ACKR2: variants seen among roughly 807,000 people sequenced by gnomAD.
The protein encoded by ACKR2 is atypical chemokine receptor 2.
For synonymous variants in ACKR2, 207 were observed against 192.2 expected (o/e 1.08, Z -0.64); for missense variants, 457 against 477.3 (o/e 0.96, Z 0.40).
In ACKR2 at chr3:42,865,383, T is replaced by C. The variant is rs768208057; in HGVS notation, c.881T>C (p.Leu294Pro). ...GTCAGCCAGCATCTAGACTACGCAC[T>C]CCAGGTAACAGAGAGCATCGCCTTC... is the stretch of plus-strand genomic sequence containing the variant. ...CEVSQHLDYA[L>P]QVTESIAFLH... Residue 294 changes from leucine (L) to proline (P), a missense_variant, in exon 3 of 3, where the codon CTC (leucine) becomes CCC (proline). Leu to Pro is a moderately conservative substitution (Grantham distance 98). Transcript: ENST00000422265. The C allele has an allele frequency of 3.7e-6, 6 of 1,614,190 alleles. No homozygotes were observed. Among genetic ancestry groups the C allele is most frequent in the Non-Finnish European group, 5.1e-6 (6 of 1,180,034 alleles).
chr3:42,866,399 T>C lies in ACKR2; in HGVS notation c.*742T>C, dbSNP rs2088436484. 1 of 154,688 alleles carries C rather than the reference T, an allele frequency of 6.5e-6. No homozygotes were observed. The highest frequency in any genetic ancestry group is 1.5e-5 in the Non-Finnish European group (1 of 68,028). 9.6% of individuals were successfully genotyped at this position (154,688 alleles called of 1,614,324 possible). ...ACTGCGTTGGCCAGGATGATCTCGA[T>C]CTCTTGACCTTGGGATCCACCCGCC... On this transcript the variant is annotated 3_prime_UTR_variant, in exon 3 of 3. Coordinates refer to ENST00000422265, the MANE Select transcript of ACKR2 (RefSeq NM_001296.5).
rs149494488 is a variant in ACKR2 at position 42,834,449 on chromosome 3, A to G, written c.-38+14738A>G. 4.2e-3 allele frequency among the ~76,000 whole-genome samples: 638 copies of G among 152,134 alleles called. 4 individuals carry two copies. Among genetic ancestry groups the G allele is most frequent in the African/African-American group, 0.011 (476 of 41,496 alleles). ...CAGTACAGTCACACGATCATGCCTCACTGCATCCTTGACATCCTGGGCTCA... is the reference window on the plus strand; with the variant it reads ...CAGTACAGTCACACGATCATGCCTCGCTGCATCCTTGACATCCTGGGCTCA... On this transcript the variant is annotated intron_variant, in intron 2 of 2. Coordinates refer to ENST00000422265, the MANE Select transcript of ACKR2 (RefSeq NM_001296.5).
Position 42,865,809 on chromosome 3 carries a change from C to T in ACKR2, c.*152C>T. On this transcript the variant is annotated 3_prime_UTR_variant, in exon 3 of 3. Coordinates refer to ENST00000422265, the MANE Select transcript of ACKR2 (RefSeq NM_001296.5). ...CCATCAGCAGCATTTGCTCGCCCCG[C>T]CTTCTTCCTCCACTTTCTTCACTTG... 1.7e-6 allele frequency: 1 copy of T among 602,274 alleles called. No individual in the cohort carries two copies. Among genetic ancestry groups the T allele is most frequent in the Non-Finnish European group, 2.9e-6 (1 of 342,208 alleles). The allele number at this position is 602,274 out of a possible 1,614,324, so 37.3% of individuals were successfully genotyped here. A position where few individuals can be genotyped will look rare whatever the true frequency, so the allele number is the denominator to read the frequency against.
In ACKR2 at chr3:42,833,292, C is replaced by T. The variant is rs533640608; in HGVS notation, c.-38+13581C>T. On this transcript the variant is annotated intron_variant, in intron 2 of 2. Coordinates refer to ENST00000422265, the MANE Select transcript of ACKR2 (RefSeq NM_001296.5). ...ATTTGAATGATGTATTTATTTAACC[C>T]AAAATATAAACAAATTATCTCAAGA... Among the ~76,000 whole-genome samples, 4 of 152,160 alleles carry T rather than the reference C, an allele frequency of 2.6e-5. No homozygotes were observed. The South Asian group carries it at 8.3e-4, about 32-fold the overall frequency.
intron 2 of ACKR2, among the ~76,000 whole-genome samples, chr3:42,832,518 G>GAAAGAA (rs141518120): frequency 4.6e-5 from 7 of 151,110 alleles, no homozygotes; most frequent in Middle Eastern, 6.3e-3. Context: ...AAAAAAAAAA[G>GAAAGAA]AAAGAAAAAG....
At position 42,865,294 on chromosome 3, in the gene ACKR2, C is replaced by G. The variant is rs1043623168; in HGVS notation, c.792C>G (p.Phe264Leu). 1 of 1,614,180 alleles carries G rather than the reference C, an allele frequency of 6.2e-7. No homozygotes were observed. Among genetic ancestry groups the G allele is most frequent in the Non-Finnish European group, 8.5e-7 (1 of 1,180,036 alleles). Residue 264 changes from phenylalanine to leucine, a missense_variant, in exon 3 of 3, where the codon TTC becomes TTG. Coordinates refer to ENST00000422265, the MANE Select transcript of ACKR2 (RefSeq NM_001296.5). ...TGGTGGCCTTCTTCGTGCTATGGTTCCCATACAATCTCACCTTGTTTCTGC... is the reference window on the plus strand; with the variant it reads ...TGGTGGCCTTCTTCGTGCTATGGTTGCCATACAATCTCACCTTGTTTCTGC... ...ALVVAFFVLW[F>L]PYNLTLFLHT... is the part of the protein sequence containing the mutation.
intron 2 of ACKR2, among the ~76,000 whole-genome samples, chr3:42,853,217 G>C (rs1384871844): frequency 6.6e-6 from 1 of 152,136 alleles, no homozygotes; most frequent in Admixed American, 6.5e-5. Flanking sequence ...TGAACTCCCA[G>C]TGTGTGATTT....
intron 2 of ACKR2, among the ~76,000 whole-genome samples, chr3:42,842,245 C>A (rs1188493254): frequency 1.3e-5 from 2 of 152,112 alleles, no homozygotes; most frequent in Non-Finnish European, 2.9e-5. Context: ...GTGGAATGGA[C>A]AAACATGTTT....
Position 42,865,281 on chromosome 3 carries a change from T to A in ACKR2, c.779T>A (p.Phe260Tyr). ...GCTGCAGCCTTGGTGGTGGCCTTCT[T>A]CGTGCTATGGTTCCCATACAATCTC... ...KIAAALVVAFFVLWFPYNLTL... is the reference protein window; with the variant it reads ...KIAAALVVAFYVLWFPYNLTL... Residue 260 changes from phenylalanine to tyrosine, a missense_variant, in exon 3 of 3, where the codon TTC (phenylalanine) becomes TAC (tyrosine). Coordinates refer to ENST00000422265, the MANE Select transcript of ACKR2 (RefSeq NM_001296.5). 1 of 1,614,236 alleles carries A rather than the reference T, an allele frequency of 6.2e-7. No homozygotes were observed. The highest frequency in any genetic ancestry group is 8.5e-7 in the Non-Finnish European group (1 of 1,180,030).
chr3:42,810,696 C>T (rs970268573), intron 1 of ACKR2, among the ~76,000 whole-genome samples: 1 of 152,202 alleles, frequency 6.6e-6, no homozygotes, highest in Non-Finnish European at 1.5e-5. Context: ...GCAAGACTTG[C>T]GTCAAAAATA....
intron 2 of ACKR2, among the ~76,000 whole-genome samples, chr3:42,857,696 C>CA (rs1165202667): frequency 3.3e-5 from 5 of 152,064 alleles, no homozygotes; most frequent in African/African-American, 1.2e-4. Context: ...AAATATTTGT[C>CA]ATTAAAAATA....
chr3:42,828,092 A>ATATATATATTTT (rs1193533555), intron 2 of ACKR2, among the ~76,000 whole-genome samples: 1 of 121,900 alleles, frequency 8.2e-6, no homozygotes, highest in Non-Finnish European at 1.7e-5. Context: ...ATATATATAT[A>ATATATATATTTT]TTTTTTTTTT....
At chr3:42,861,125 T>A (rs1462412704) in intron 2 of ACKR2, among the ~76,000 whole-genome samples, 1 of 151,786 alleles carries the variant, frequency 6.6e-6, no homozygotes, top group African/African-American at 2.4e-5. Context: ...GCCAGACTGA[T>A]AAACAAGAAA....
chr3:42,843,418 C>T (rs1271567639), intron 2 of ACKR2, among the ~76,000 whole-genome samples: 1 of 152,122 alleles, frequency 6.6e-6, no homozygotes, highest in Non-Finnish European at 1.5e-5. Flanking sequence ...AGAAACTATC[C>T]TTTTCATTGG....
intron 2 of ACKR2, among the ~76,000 whole-genome samples, chr3:42,847,708 G>A (rs980462515): frequency 6.6e-6 from 1 of 151,468 alleles, no homozygotes; most frequent in African/African-American, 2.4e-5. Context: ...GGCAATCAGA[G>A]CATGAGCTTG....
intron 2 of ACKR2, among the ~76,000 whole-genome samples, chr3:42,829,455 A>G (rs1367110894): frequency 6.6e-6 from 1 of 152,174 alleles, no homozygotes; most frequent in Non-Finnish European, 1.5e-5. Context: ...ATGAGGGGCA[A>G]TTCTGGTTGG....
chr3:42,812,863 A>G (rs1481878757), intron 1 of ACKR2, among the ~76,000 whole-genome samples: 4 of 151,056 alleles, frequency 2.6e-5, no homozygotes. Flanking sequence ...ATTTTTTTGT[A>G]TTTTTAGTAG....
intron 2 of ACKR2, among the ~76,000 whole-genome samples, chr3:42,837,222 T>C (rs764472777): frequency 6.9e-6 from 1 of 144,294 alleles, no homozygotes; most frequent in Non-Finnish European, 1.5e-5. Context: ...GAGCCTGAAG[T>C]TTTTTTTTTT....
rs2088424605 is a variant in ACKR2, at chr3:42,865,297, A to G, written c.795A>G (p.Pro265=). Reference sequence around the variant, plus strand: ...TGGCCTTCTTCGTGCTATGGTTCCCATACAATCTCACCTTGTTTCTGCATA... The same window carrying G: ...TGGCCTTCTTCGTGCTATGGTTCCCGTACAATCTCACCTTGTTTCTGCATA... ...LVVAFFVLWF[P]YNLTLFLHTL... is the part of the protein sequence containing the mutation. The change falls in exon 3 of 3, where the codon CCA becomes CCG. Residue 265 remains proline (P), a synonymous_variant. Coordinates refer to ENST00000422265, the MANE Select transcript of ACKR2 (RefSeq NM_001296.5). The G allele has an allele frequency of 6.2e-7, 1 of 1,614,080 alleles. No individual in the cohort carries two copies. Among genetic ancestry groups the G allele is most frequent in the South Asian group, 1.1e-5 (1 of 91,080 alleles).
Sources: gnomAD v4.1 joint callset for allele counts (sites outside exome capture counted in the v4.1 genomes callset) on GRCh38, gnomAD v4.1.1 for gene constraint, MANE v1.5 for transcripts, NCBI Gene and HGNC (gene_info 2026-07-23, HGNC 2026-07-21) for gene names.